Variants in TBX18 observed in about 807,000 individuals in gnomAD.
TBX18 encodes T-box transcription factor 18.
Under a neutral mutation model 55.0 loss-of-function variants are expected in TBX18, and 21 were observed. The ratio of observed to expected loss-of-function variants is 0.38; its 90% CI spans 0.27 to 0.55. The LOEUF is 0.55. Among genes scored for constraint, TBX18 ranks in the 20% least tolerant of loss-of-function variants. The probability of loss-of-function intolerance (pLI) is 0.73; values close to 1 mark genes in which losing one functional copy is unlikely to be tolerated. For synonymous variants in TBX18, 342 were observed against 326.1 expected, an observed-to-expected ratio of 1.05 and a Z score of -0.53; for missense variants, 840 against 799.6, an observed-to-expected ratio of 1.05 and a Z score of -0.61.
intron 2 of TBX18, among the ~76,000 whole-genome samples, chr6:84,762,250 A>G (rs910598223): frequency 1.3e-5 from 2 of 152,216 alleles, no homozygotes; most frequent in Non-Finnish European, 1.5e-5. Flanking sequence ...CCTCAAATTT[A>G]TAACCGCCCT....
chr6:84,743,353 C>A (rs1015599344), intron 6 of TBX18, among the ~76,000 whole-genome samples: 2 of 152,168 alleles, frequency 1.3e-5, no homozygotes, highest in Admixed American at 1.3e-4. Context: ...AACTAAGAAT[C>A]TGGATTGTTT....
In TBX18 at chr6:84,764,005, G is replaced by T; in HGVS notation, c.177C>A (p.Gly59=). 6.4e-7 allele frequency: 1 copy of T among 1,558,594 alleles called. No individual in the cohort carries two copies. The highest frequency in any genetic ancestry group is 8.6e-7 in the Non-Finnish European group (1 of 1,156,444). The change falls in exon 1 of 8, where the codon GGC becomes GGA. Residue 59 remains glycine (G), a synonymous_variant. Transcript: ENST00000369663. ...CAGAAGAACCCTTTTCGCCCGCGCC[G>T]CCGCCGCGGCTGCAGCCTCCGTCGT... ...AVDDGGCSRG[G]GAGEKGSSEG...
At chr6:84,738,347 A>G (rs1223801525) in intron 7 of TBX18, 150 bp downstream of exon 7, 3 of 724,156 alleles carry the variant, frequency 4.1e-6, no homozygotes, top group Non-Finnish European at 7.4e-6. Context: ...ATCCATCCCC[A>G]TACCATGCAG....
At chr6:84,744,376 T>C (rs759983571) in intron 5 of TBX18, 51 bp from the exon 6 acceptor site, 1 of 1,551,138 alleles carries the variant, frequency 6.4e-7, no homozygotes, top group Non-Finnish European at 8.8e-7. Flanking sequence ...GTCAAGCAAG[T>C]TTTTACTTGG....
Position 84,764,191 on chromosome 6 carries a change from C to T in TBX18, c.-10G>A, listed in dbSNP as rs1767753350. 1.4e-6 allele frequency: 2 copies of T among 1,437,468 alleles called. No individual in the cohort carries two copies. The highest frequency in any genetic ancestry group is 3.0e-5 in the African/African-American group (2 of 66,934). 89.0% of individuals were successfully genotyped at this position (1,437,468 alleles called of 1,614,324 possible). On this transcript the variant is annotated 5_prime_UTR_variant, in exon 1 of 8. Transcript: ENST00000369663. ...TTCGCTTCTCGGCCATCCCCCCCGC[C>T]CCGCGCCCGCCCGCCCCTCTCTCAT...
At chr6:84,758,766 G>C (rs1031105909) in intron 3 of TBX18, among the ~76,000 whole-genome samples, 4 of 152,100 alleles carry the variant, frequency 2.6e-5, no homozygotes, top group African/African-American at 9.7e-5. Context: ...CAGAATAAAA[G>C]CTACAAGTTA....
In TBX18 at chr6:84,745,313, A is replaced by C. The variant is rs148427018; in HGVS notation, c.940-988T>G. ...CCCATCTGCTTATTACCAGATCTCC[A>C]CTTTGCCCAGAGGAATTTACAGCCT... On this transcript the variant is annotated intron_variant, in intron 5 of 7. Coordinates refer to ENST00000369663, the MANE Select transcript of TBX18 (RefSeq NM_001080508.3). 1.0e-3 allele frequency among the ~76,000 whole-genome samples: 156 copies of C among 152,214 alleles called. 1 individual carries two copies. The highest frequency in any genetic ancestry group is 3.6e-3 in the African/African-American group (150 of 41,528).
At chr6:84,755,771 A>T (rs954863444) in intron 4 of TBX18, among the ~76,000 whole-genome samples, 1 of 152,214 alleles carries the variant, frequency 6.6e-6, no homozygotes, top group Non-Finnish European at 1.5e-5. Context: ...GAATGTTCTC[A>T]TTAAGGTCAA....
At chr6:84,749,493 T>C (rs959036832) in intron 4 of TBX18, among the ~76,000 whole-genome samples, 1 of 151,960 alleles carries the variant, frequency 6.6e-6, no homozygotes, top group African/African-American at 2.4e-5. Context: ...TTTTCTTTTT[T>C]TTTTTTTAAC....
At chr6:84,762,500 G>C (rs1366479548) in intron 2 of TBX18, 44 bp downstream of exon 2, 1 of 1,607,116 alleles carries the variant, frequency 6.2e-7, no homozygotes, top group Non-Finnish European at 8.5e-7. Context: ...AGTGAAGACA[G>C]GGTCTGGGGT....
intron 6 of TBX18, among the ~76,000 whole-genome samples, chr6:84,743,253 A>G (rs1339458663): frequency 1.3e-5 from 2 of 152,202 alleles, no homozygotes; most frequent in African/African-American, 4.8e-5. Context: ...GCCACTGCAT[A>G]TAACAATGAC....
rs745675915 is a variant in TBX18, at chr6:84,764,181, TC to T, written c.-1del. 1.0e-4 allele frequency: 147 copies of T among 1,443,248 alleles called. No homozygotes were observed. The African/African-American group carries it at 1.5e-3, about 15-fold the overall frequency. 89.4% of individuals were successfully genotyped at this position (1,443,248 alleles called of 1,614,324 possible). On this transcript the variant is annotated 5_prime_UTR_variant, in exon 1 of 8. Coordinates refer to ENST00000369663, the MANE Select transcript of TBX18 (RefSeq NM_001080508.3). ...GGCGAGCCCCTTCGCTTCTCGGCCA[TC>T]CCCCCCGCCCCGCGCCCGCCCGCCC... is the stretch of plus-strand genomic sequence containing the variant.
rs1259597139 is a variant in TBX18, at chr6:84,733,503, G to C, written c.*3182C>G. 6.6e-6 allele frequency: 1 copy of C among 152,160 alleles called. No homozygotes were observed. Among genetic ancestry groups the C allele is most frequent in the African/African-American group, 2.4e-5 (1 of 41,432 alleles). 9.4% of individuals were successfully genotyped at this position (152,160 alleles called of 1,614,324 possible). A position where few individuals can be genotyped will look rare whatever the true frequency, so the allele number is the denominator to read the frequency against. On this transcript the variant is annotated 3_prime_UTR_variant, in exon 8 of 8. Transcript: ENST00000369663. ...TTACAAACCTCTCTAATTAGAGACA[G>C]CATCAGGGTAGGTAGCATCCACCAC...
At chr6:84,763,124 C>A in intron 1 of TBX18, 1 of 393,302 alleles carries the variant, frequency 2.5e-6, no homozygotes, top group Non-Finnish European at 4.8e-6. Flanking sequence ...GGTCCAGAGT[C>A]CCCAGTGCAA....
rs1198786058 is a variant in TBX18, at chr6:84,735,044, T to C, written c.*1641A>G. The C allele has an allele frequency of 1.3e-5, 2 of 152,238 alleles. No homozygotes were observed. The highest frequency in any genetic ancestry group is 2.9e-5 in the Non-Finnish European group (2 of 68,042). 9.4% of individuals were successfully genotyped at this position (152,238 alleles called of 1,614,324 possible). A position where few individuals can be genotyped will look rare whatever the true frequency, so the allele number is the denominator to read the frequency against. ...ATCTCCCTAAGTATCTAACAAATTG[T>C]GTTGTTTCAAAGTGAAACAGCAAAT... is the stretch of plus-strand genomic sequence containing the variant. On this transcript the variant is annotated 3_prime_UTR_variant, in exon 8 of 8. Coordinates refer to ENST00000369663, the MANE Select transcript of TBX18 (RefSeq NM_001080508.3).
At chr6:84,763,152 G>A (rs1767703455) in intron 1 of TBX18, 5 of 366,336 alleles carry the variant, frequency 1.4e-5, no homozygotes, top group East Asian at 1.5e-4. Context: ...CGCAACCTGC[G>A]CCTCGAAGCG....
At position 84,756,895 on chromosome 6, in the gene TBX18, G is replaced by C. The variant is rs755337422; in HGVS notation, c.600-26C>G. ...CTAGAAGGCAATGACCAGGCGTTCA[G>C]TATACTGTTTTTATCTTGGCATGTC... On this transcript the variant is annotated intron_variant, in intron 3 of 7. Transcript: ENST00000369663. 1.9e-6 allele frequency: 3 copies of C among 1,608,826 alleles called. No individual in the cohort carries two copies. The South Asian group carries it at 3.3e-5, about 18-fold the overall frequency.
At chr6:84,752,230 C>T (rs1767368636) in intron 4 of TBX18, among the ~76,000 whole-genome samples, 2 of 151,820 alleles carry the variant, frequency 1.3e-5, no homozygotes, top group South Asian at 2.1e-4. Context: ...TCTGATGAGT[C>T]GAAAGAGCCT....
rs554638425 is a variant in TBX18, at chr6:84,747,159, G to A, written c.939+761C>T. Among the ~76,000 whole-genome samples the A allele has an allele frequency of 7.8e-4, 117 of 149,468 alleles. 2 individuals carry two copies. The highest frequency in any genetic ancestry group is 3.5e-3 in the Middle Eastern group (1 of 284). ...AAATGTAAAGAGAAATGGAGACCCA[G>A]AACAATTCTGCTGACCACTGAAATT... On this transcript the variant is annotated intron_variant, in intron 5 of 7. Coordinates refer to ENST00000369663, the MANE Select transcript of TBX18 (RefSeq NM_001080508.3).
Sources: gnomAD v4.1 joint callset for allele counts (sites outside exome capture counted in the v4.1 genomes callset) on GRCh38, gnomAD v4.1.1 for gene constraint, MANE v1.5 for transcripts, NCBI Gene and HGNC (gene_info 2026-07-23, HGNC 2026-07-21) for gene names.